Variants in BCAS3 observed in about 807,000 individuals in gnomAD.
The protein encoded by BCAS3 is BCAS3 microtubule associated cell migration factor.
Under a neutral mutation model 116.1 loss-of-function variants are expected in BCAS3, and 53 were observed. That is an observed-to-expected ratio of 0.46 (90% CI 0.37 to 0.57). The LOEUF is 0.57. BCAS3 is among the 20% of genes least tolerant of loss of function. BCAS3 has a pLI of 0.00. For missense variants in BCAS3, 917 were observed against 1,165.4 expected (o/e 0.79, Z 3.10); for synonymous variants, 391 against 408.2 (o/e 0.96, Z 0.51).
intron 22 of BCAS3, among the ~76,000 whole-genome samples, chr17:61,085,948 T>C (rs2073060321): frequency 6.6e-6 from 1 of 152,202 alleles, no homozygotes; most frequent in African/African-American, 2.4e-5. Context: ...TTTTTAAACC[T>C]TCTTAAACTA....
chr17:61,297,012 A>G (rs929874745), intron 22 of BCAS3, among the ~76,000 whole-genome samples: 1 of 152,212 alleles, frequency 6.6e-6, no homozygotes, highest in African/African-American at 2.4e-5. Context: ...CTTAGGCTAC[A>G]GTGTGGAAAA....
rs943569376 is a variant in BCAS3, at chr17:61,219,160, G to A, written c.2425+134596G>A. 1.3e-5 allele frequency among the ~76,000 whole-genome samples: 2 copies of A among 152,170 alleles called. No individual in the cohort carries two copies. Among genetic ancestry groups the A allele is most frequent in the African/African-American group, 4.8e-5 (2 of 41,454 alleles). ...GCAAACAGGTCTGTAGCCTTTTTGA[G>A]AAGTGTTCACTCTTCTTATGGGGGA... On this transcript the variant is annotated intron_variant, in intron 22 of 23. Coordinates refer to ENST00000407086, the MANE Select transcript of BCAS3 (RefSeq NM_017679.5). This position sits in a 1 kb window ranked among gnomAD's most constrained non-coding sequence, Gnocchi z 5.2.
At chr17:61,280,869 C>T (rs1292310566) in intron 22 of BCAS3, among the ~76,000 whole-genome samples, 2 of 152,168 alleles carry the variant, frequency 1.3e-5, no homozygotes, top group African/African-American at 4.8e-5. Flanking sequence ...CGACCCTTAA[C>T]AGGTTGAAGG....
In BCAS3 at chr17:61,013,432, A is replaced by G. The variant is rs991143280; in HGVS notation, c.1487-2319A>G. On this transcript the variant is annotated intron_variant, in intron 15 of 23. Coordinates refer to ENST00000407086, the MANE Select transcript of BCAS3 (RefSeq NM_017679.5). This position sits in a 1 kb window ranked among gnomAD's most constrained non-coding sequence, Gnocchi z 4.4. ...GTTGTCTAATAGCGATTTTATAATT[A>G]TTTACATCTATATTGGCCTTGAGAG... 2.6e-5 allele frequency among the ~76,000 whole-genome samples: 4 copies of G among 152,120 alleles called. No individual in the cohort carries two copies. The highest frequency in any genetic ancestry group is 2.6e-4 in the Admixed American group (4 of 15,256).
In BCAS3 at chr17:61,087,952, G is replaced by C. The variant is rs960607018; in HGVS notation, c.2425+3388G>C. On this transcript the variant is annotated intron_variant, in intron 22 of 23. Transcript: ENST00000407086. The surrounding 1 kb of genome is among the most constrained non-coding windows in gnomAD (Gnocchi z 4.6). The stretch of plus-strand genomic sequence containing the variant: ...AATCCTAGCACTTTGGGAGGCCGAA[G>C]CGGTGGATCACTTGAGGTCAGGTGT... 1.8e-4 allele frequency among the ~76,000 whole-genome samples: 28 copies of C among 152,266 alleles called. No individual in the cohort carries two copies. Among genetic ancestry groups the C allele is most frequent in the African/African-American group, 6.3e-4 (26 of 41,546 alleles).
chr17:61,129,582 T>C (rs2076225009), intron 22 of BCAS3, among the ~76,000 whole-genome samples: 1 of 152,264 alleles, frequency 6.6e-6, no homozygotes, highest in South Asian at 2.1e-4. Context: ...TGGTCTGCTT[T>C]ACAGCAGCCA....
intron 22 of BCAS3, among the ~76,000 whole-genome samples, chr17:61,255,095 G>C (rs1201520178): frequency 6.6e-6 from 1 of 152,146 alleles, no homozygotes; most frequent in East Asian, 1.9e-4. Context: ...GATTTTCAAA[G>C]AGCTGTAATT....
chr17:61,009,977 C>T (rs2064996670), intron 15 of BCAS3, among the ~76,000 whole-genome samples: 1 of 151,756 alleles, frequency 6.6e-6, no homozygotes, highest in African/African-American at 2.4e-5. Context: ...AGTTTATTTT[C>T]CTTGTAGCAT....
At chr17:60,792,812 G>T (rs2046892873) in intron 6 of BCAS3, among the ~76,000 whole-genome samples, 1 of 152,176 alleles carries the variant, frequency 6.6e-6, no homozygotes, top group Non-Finnish European at 1.5e-5. Flanking sequence ...CCAGCCACTA[G>T]AAGTGTGAGC....
Position 61,339,138 on chromosome 17 carries a change from GT to G in BCAS3, c.2426-29188del, listed in dbSNP as rs770298534. ...TGTGACCCCCTGGGAAGGTTGTTCT[GT>G]GGAGGATGCAGAAACTGACGATTGG... is the stretch of plus-strand genomic sequence containing the variant. On this transcript the variant is annotated intron_variant, in intron 22 of 23. Coordinates refer to ENST00000407086, the MANE Select transcript of BCAS3 (RefSeq NM_017679.5). This position sits in a 1 kb window ranked among gnomAD's most constrained non-coding sequence, Gnocchi z 4.4. 1.4e-4 allele frequency among the ~76,000 whole-genome samples: 21 copies of G among 152,126 alleles called. No individual in the cohort carries two copies. The highest frequency in any genetic ancestry group is 2.5e-4 in the Non-Finnish European group (17 of 68,034).
At chr17:60,821,236 C>T (rs572688639) in intron 7 of BCAS3, among the ~76,000 whole-genome samples, 6 of 152,280 alleles carry the variant, frequency 3.9e-5, no homozygotes, top group Non-Finnish European at 8.8e-5. Context: ...CATGCGCCAC[C>T]TCACCTGGCC....
chr17:60,681,686 G>A (rs2033144755), intron 2 of BCAS3, among the ~76,000 whole-genome samples: 1 of 150,092 alleles, frequency 6.7e-6, no homozygotes, highest in South Asian at 2.1e-4. Context: ...CAAGTAGCTG[G>A]GATTACAAAT....
intron 5 of BCAS3, among the ~76,000 whole-genome samples, chr17:60,710,411 TCAC>T (rs2037715391): frequency 6.6e-6 from 1 of 151,904 alleles, no homozygotes; most frequent in Non-Finnish European, 1.5e-5. Flanking sequence ...ACAAGCACAT[TCAC>T]CTTTCAATTC....
chr17:60,973,881 C>G (rs951647872), intron 14 of BCAS3, among the ~76,000 whole-genome samples: 1 of 152,052 alleles, frequency 6.6e-6, no homozygotes, highest in African/African-American at 2.4e-5. Context: ...CGTGAGCCAC[C>G]ACACCCTGCC....
chr17:61,149,759 C>T (rs562339896), intron 22 of BCAS3, among the ~76,000 whole-genome samples: 2 of 152,250 alleles, frequency 1.3e-5, no homozygotes, highest in Admixed American at 6.5e-5. Context: ...ATGTCTGAGG[C>T]GTTTGTCTTC....
rs541425777 is a variant in BCAS3, at chr17:60,790,740, G to GTT, written c.404-17244_404-17243dup. On this transcript the variant is annotated intron_variant, in intron 6 of 23. Coordinates refer to ENST00000407086, the MANE Select transcript of BCAS3 (RefSeq NM_017679.5). ...TCATAAACATTAGTTGTGTTTGTAG[G>GTT]TTTTTTTTTTTTTTTTTTTTTGAGA... Among the ~76,000 whole-genome samples the GTT allele has an allele frequency of 5.9e-3, 696 of 118,902 alleles. 11 individuals carry two copies. The highest frequency in any genetic ancestry group is 8.7e-3 in the Non-Finnish European group (515 of 59,008). The allele number at this position is 118,902 out of a possible 152,430, so 78.0% of individuals were successfully genotyped here.
rs528216882 is a variant in BCAS3, at chr17:61,265,296, C to T, written c.2426-103031C>T. Among the ~76,000 whole-genome samples the T allele has an allele frequency of 9.2e-5, 14 of 151,816 alleles. No homozygotes were observed. In the South Asian group the frequency reaches 2.1e-3, roughly 23 times the overall value. On this transcript the variant is annotated intron_variant, in intron 22 of 23. Coordinates refer to ENST00000407086, the MANE Select transcript of BCAS3 (RefSeq NM_017679.5). This position sits in a 1 kb window ranked among gnomAD's most constrained non-coding sequence, Gnocchi z 4.3. Reference sequence around the variant, plus strand: ...GCATGGTGGCGCATGCCTGTAATCCCGGGAGGTTGAGGCAGGAGAATCGTT... The same window carrying T: ...GCATGGTGGCGCATGCCTGTAATCCTGGGAGGTTGAGGCAGGAGAATCGTT...
chr17:60,933,161 C>T (rs567869554), intron 13 of BCAS3, among the ~76,000 whole-genome samples: 8 of 150,512 alleles, frequency 5.3e-5, no homozygotes, highest in African/African-American at 1.5e-4. Context: ...AGTGAGACTC[C>T]GTCTCAAAAA....
At chr17:60,728,725 C>T (rs575708090) in intron 5 of BCAS3, among the ~76,000 whole-genome samples, 5 of 152,178 alleles carry the variant, frequency 3.3e-5, no homozygotes, top group South Asian at 2.1e-4. Context: ...AGCAATCTAC[C>T]GCCTCAGCTT....
Sources: allele counts gnomAD v4.1 joint callset (sites outside exome capture counted in the v4.1 genomes callset), GRCh38; gene constraint gnomAD v4.1.1; non-coding constraint Gnocchi (gnomAD v3.1); transcripts MANE v1.5; gene names NCBI Gene and HGNC (gene_info 2026-07-23, HGNC 2026-07-21).